The following TARBP1 variants were observed in gnomAD, a reference collection of about 807,000 sequenced individuals.
TARBP1 encodes tRNA guanosine 2 -O-methyltransferase TARBP1, also known as tRNA (guanosine(18)-2'-O)-methyltransferase TARBP1.
Under a neutral mutation model 178.6 loss-of-function variants are expected in TARBP1, and 144 were observed. That is an observed-to-expected ratio of 0.81 (90% CI 0.70 to 0.93). TARBP1 has a LOEUF of 0.93. Ranked by LOEUF, TARBP1 falls within the 40% of genes least tolerant of loss-of-function variation. The pLI, the probability that TARBP1 is intolerant of heterozygous loss-of-function variation, is 0.00. For missense variants in TARBP1, 2,067 were observed against 2,011.7 expected (o/e 1.03, Z -0.53); for synonymous variants, 787 against 781.0 (o/e 1.01, Z -0.13).
intron 26 of TARBP1, among the ~76,000 whole-genome samples, chr1:234,396,383 A>ACCTTG (rs1386081285): frequency 6.6e-6 from 1 of 152,142 alleles, no homozygotes; most frequent in East Asian, 1.9e-4. Context: ...GCCGGGACAG[A>ACCTTG]CCTTGCCTTG....
chr1:234,453,921 A>T (rs1339449857), intron 9 of TARBP1, among the ~76,000 whole-genome samples: 1 of 152,190 alleles, frequency 6.6e-6, no homozygotes, highest in Non-Finnish European at 1.5e-5. Context: ...ACTCCAGGAC[A>T]TTAGGAGACA....
intron 4 of TARBP1, among the ~76,000 whole-genome samples, chr1:234,467,287 C>A (rs2103287652): frequency 6.6e-6 from 1 of 152,310 alleles, no homozygotes; most frequent in East Asian, 1.9e-4. Context: ...TAATATACAA[C>A]TACTTTTTCA....
At chr1:234,422,232 T>A (rs562762088) in intron 20 of TARBP1, among the ~76,000 whole-genome samples, 1 of 152,296 alleles carries the variant, frequency 6.6e-6, no homozygotes, top group Admixed American at 6.5e-5. Flanking sequence ...GCTCAAAATC[T>A]TCTTCTGTCT....
At chr1:234,445,811 G>A (rs1234527012) in intron 12 of TARBP1, among the ~76,000 whole-genome samples, 1 of 74,596 alleles carries the variant, frequency 1.3e-5, no homozygotes, top group Admixed American at 1.8e-4. Flanking sequence ...TTATATATAG[G>A]ATATATATAA....
chr1:234,478,345 G>T lies in TARBP1; in HGVS notation c.759C>A (p.Arg253=). 7.8e-7 allele frequency: 1 copy of T among 1,275,104 alleles called. No homozygotes were observed. The highest frequency in any genetic ancestry group is 9.8e-7 in the Non-Finnish European group (1 of 1,016,546). 79.0% of individuals were successfully genotyped at this position (1,275,104 alleles called of 1,614,324 possible). ...EPGGDRARGA[R]EAGPDARRCW... is the part of the protein sequence containing the mutation. The stretch of plus-strand genomic sequence containing the variant: ...AGCGCCGGGCGTCCGGGCCCGCCTC[G>T]CGCGCGCCGCGGGCGCGGTCGCCGC... Residue 253 remains arginine (R), a synonymous_variant, in exon 1 of 30, where the codon CGC becomes CGA. Transcript: ENST00000040877.
chr1:234,453,293 G>A (rs185340629), intron 9 of TARBP1, among the ~76,000 whole-genome samples: 215 of 151,494 alleles, frequency 1.4e-3, no homozygotes, highest in African/African-American at 5.2e-3. Flanking sequence ...AGAGTGGTGT[G>A]GGAGTATGTG....
chr1:234,418,866 T>C (rs1381604561), intron 21 of TARBP1, among the ~76,000 whole-genome samples: 2 of 152,206 alleles, frequency 1.3e-5, no homozygotes, highest in African/African-American at 4.8e-5. Context: ...TCTACTTATA[T>C]AAGCATATAA....
chr1:234,391,433 G>A lies in TARBP1; in HGVS notation c.*144C>T. 2.6e-6 allele frequency: 2 copies of A among 779,824 alleles called. No homozygotes were observed. The highest frequency in any genetic ancestry group is 3.9e-6 in the Non-Finnish European group (2 of 511,388). 48.3% of individuals were successfully genotyped at this position (779,824 alleles called of 1,614,324 possible). On this transcript the variant is annotated 3_prime_UTR_variant, in exon 30 of 30. Transcript: ENST00000040877. ...GGAAAATATATAGTAATATGTTTAA[G>A]GCACATGGCAAACTTTTGGCATTAA...
intron 20 of TARBP1, among the ~76,000 whole-genome samples, chr1:234,422,769 G>A (rs1663255726): frequency 6.6e-6 from 1 of 152,182 alleles, no homozygotes; most frequent in East Asian, 1.9e-4. Context: ...AAGCATAAAT[G>A]CTTGAGGTGA....
intron 19 of TARBP1, among the ~76,000 whole-genome samples, chr1:234,426,263 C>T (rs1032005538): frequency 1.3e-5 from 2 of 152,196 alleles, no homozygotes; most frequent in Non-Finnish European, 1.5e-5. Flanking sequence ...TCTCAACACC[C>T]GGCATTTTTA....
intron 12 of TARBP1, 86 bp from the exon 13 acceptor site, chr1:234,437,458 G>A: frequency 1.6e-6 from 1 of 608,936 alleles, no homozygotes; most frequent in South Asian, 3.2e-5. Flanking sequence ...ATGTACAACT[G>A]GGCTAAGCAC....
At position 234,420,458 on chromosome 1, in the gene TARBP1, G is replaced by A. The variant is rs542670530; in HGVS notation, c.3555+244C>T. ...AGTTAAAATGTCACATTAAAACACC[G>A]AAGGGAAAAAAATATTAAATGGGGC... On this transcript the variant is annotated intron_variant, in intron 21 of 29. Transcript: ENST00000040877. Among the ~76,000 whole-genome samples the A allele has an allele frequency of 7.2e-5, 11 of 152,132 alleles. No homozygotes were observed. The South Asian group carries it at 1.5e-3, about 20-fold the overall frequency.
chr1:234,432,156 T>C (rs1289438255), intron 14 of TARBP1, among the ~76,000 whole-genome samples: 6 of 142,158 alleles, frequency 4.2e-5, no homozygotes, highest in Admixed American at 7.0e-5. Flanking sequence ...AAAAAAAGCC[T>C]TGAGGCCAGG....
intron 1 of TARBP1, among the ~76,000 whole-genome samples, chr1:234,474,990 G>A (rs1390103429): frequency 6.6e-6 from 1 of 152,246 alleles, no homozygotes; most frequent in Non-Finnish European, 1.5e-5. Flanking sequence ...TTCTGGCACA[G>A]GAGCAAGACA....
chr1:234,391,816 T>G, intron 29 of TARBP1, 71 bp from the exon 30 acceptor site: 3 of 1,473,988 alleles, frequency 2.0e-6, no homozygotes, highest in Non-Finnish European at 2.8e-6. Context: ...ATTCTTTTTA[T>G]TTTTTGTTTA....
intron 13 of TARBP1, among the ~76,000 whole-genome samples, chr1:234,436,421 G>C (rs374063732): frequency 6.6e-6 from 1 of 152,142 alleles, no homozygotes; most frequent in Admixed American, 6.5e-5. Context: ...AGGTGTACTA[G>C]AATTCATATT....
chr1:234,448,695 C>T, intron 10 of TARBP1, 116 bp from the exon 11 acceptor site: 3 of 750,118 alleles, frequency 4.0e-6, no homozygotes, highest in Non-Finnish European at 4.5e-6. Context: ...GAGAGAAATA[C>T]AACCGAGATG....
chr1:234,471,594 T>C (rs1320539116), intron 2 of TARBP1, among the ~76,000 whole-genome samples: 2 of 152,224 alleles, frequency 1.3e-5, no homozygotes, highest in African/African-American at 2.4e-5. Flanking sequence ...ACTGAAATGT[T>C]TTCTCTAGTC....
At chr1:234,453,928 G>C (rs913499311) in intron 9 of TARBP1, among the ~76,000 whole-genome samples, 2 of 152,092 alleles carry the variant, frequency 1.3e-5, no homozygotes, top group African/African-American at 4.8e-5. Flanking sequence ...GACATTAGGA[G>C]ACAGGCAAAA....
Sources: gnomAD v4.1 joint callset for allele counts (sites outside exome capture counted in the v4.1 genomes callset) on GRCh38, gnomAD v4.1.1 for gene constraint, MANE v1.5 for transcripts, NCBI Gene and HGNC (gene_info 2026-07-23, HGNC 2026-07-21) for gene names.